The following KIRREL3 variants were observed in gnomAD, a reference collection of about 807,000 sequenced individuals.
The protein encoded by KIRREL3 is kin of IRRE-like protein 3.
In KIRREL3, 36 loss-of-function variants were observed where a neutral mutation model predicts 89.7. The observed-to-expected ratio is 0.40, with a 90% CI of 0.31 to 0.53. KIRREL3 has a LOEUF of 0.53. KIRREL3 is among the 20% of genes least tolerant of loss of function. KIRREL3 has a pLI of 0.49. For synonymous variants in KIRREL3, 445 were observed against 441.4 expected (o/e 1.01, Z -0.10); for missense variants, 864 against 1,056.6 (o/e 0.82, Z 2.53).
intron 1 of KIRREL3, among the ~76,000 whole-genome samples, chr11:126,874,557 C>T (rs1945208836): frequency 6.6e-6 from 1 of 152,208 alleles, no homozygotes; most frequent in Non-Finnish European, 1.5e-5. Flanking sequence ...CATTTGGATT[C>T]TGAAACTCAA....
chr11:126,451,424 G>GC (rs1252029279), intron 7 of KIRREL3, among the ~76,000 whole-genome samples: 35 of 150,388 alleles, frequency 2.3e-4, no homozygotes, highest in Non-Finnish European at 1.5e-5. Context: ...GTGCATGTGT[G>GC]AGCGTGTGCA....
chr11:126,607,991 G>A lies in KIRREL3; in HGVS notation c.56-45079C>T, dbSNP rs1942958225. Among the ~76,000 whole-genome samples, 1 of 152,216 alleles carries A rather than the reference G, an allele frequency of 6.6e-6. No individual in the cohort carries two copies. The highest frequency in any genetic ancestry group is 2.4e-5 in the African/African-American group (1 of 41,448). Reference sequence around the variant, plus strand: ...GGCCCGAGGAACGAGCACGTCAGCTGTCTCCAGGGCCTTTCTCATCATCTC... The same window carrying A: ...GGCCCGAGGAACGAGCACGTCAGCTATCTCCAGGGCCTTTCTCATCATCTC... On this transcript the variant is annotated intron_variant, in intron 1 of 16. Transcript: ENST00000525144. This position sits in a 1 kb window ranked among gnomAD's most constrained non-coding sequence, Gnocchi z 6.6.
chr11:126,821,291 T>G (rs1477722388), intron 1 of KIRREL3, among the ~76,000 whole-genome samples: 1 of 143,332 alleles, frequency 7.0e-6, no homozygotes, highest in Admixed American at 7.0e-5. Context: ...GTAAAGCTGA[T>G]AGAATATTAG....
At chr11:126,542,490 A>G (rs922303069) in intron 2 of KIRREL3, among the ~76,000 whole-genome samples, 13 of 152,210 alleles carry the variant, frequency 8.5e-5, no homozygotes, top group African/African-American at 3.1e-4. Context: ...GAATATGGAT[A>G]TGTTTGATGT....
intron 2 of KIRREL3, among the ~76,000 whole-genome samples, chr11:126,547,784 A>G (rs997625785): frequency 2.6e-5 from 4 of 152,184 alleles, no homozygotes; most frequent in African/African-American, 9.6e-5. Flanking sequence ...GACCCACAAT[A>G]GGGGCTTAGT....
At chr11:126,507,494 C>A (rs1318307715) in intron 4 of KIRREL3, among the ~76,000 whole-genome samples, 1 of 152,156 alleles carries the variant, frequency 6.6e-6, no homozygotes, top group East Asian at 1.9e-4. Flanking sequence ...TAGCATTGAT[C>A]ACCTTCTAAT....
intron 6 of KIRREL3, among the ~76,000 whole-genome samples, chr11:126,457,364 T>C (rs898087723): frequency 1.1e-3 from 101 of 88,054 alleles, no homozygotes; most frequent in African/African-American, 4.4e-3. Flanking sequence ...TGTCTCTGTG[T>C]GTATGCGTGT....
At position 126,964,102 on chromosome 11, in the gene KIRREL3, A is replaced by C. The variant is rs1271289108; in HGVS notation, c.55+36353T>G. Among the ~76,000 whole-genome samples, 3 of 152,196 alleles carry C rather than the reference A, an allele frequency of 2.0e-5. No homozygotes were observed. The East Asian group carries it at 5.8e-4, about 29-fold the overall frequency. On this transcript the variant is annotated intron_variant, in intron 1 of 16. Coordinates refer to ENST00000525144, the MANE Select transcript of KIRREL3 (RefSeq NM_032531.4). ...TTAGTGGGCAACTACAAGGTTTGAG[A>C]AAGAGAAAAACTTCATCTGTGCACA... is the stretch of plus-strand genomic sequence containing the variant.
At chr11:126,818,631 G>T (rs1440378916) in intron 1 of KIRREL3, among the ~76,000 whole-genome samples, 3 of 150,168 alleles carry the variant, frequency 2.0e-5, no homozygotes, top group African/African-American at 4.9e-5. Context: ...AGTAGTGTGT[G>T]TGTGTGTGTG....
At chr11:126,603,699 C>T (rs1056257933) in intron 1 of KIRREL3, among the ~76,000 whole-genome samples, 1 of 152,364 alleles carries the variant, frequency 6.6e-6, no homozygotes, top group East Asian at 1.9e-4. Context: ...TTTCTCTGGG[C>T]CCTGCCTGGT....
At chr11:126,921,777 C>G (rs1947324039) in intron 1 of KIRREL3, among the ~76,000 whole-genome samples, 1 of 151,026 alleles carries the variant, frequency 6.6e-6, no homozygotes, top group African/African-American at 2.5e-5. Context: ...ATCTATCTAT[C>G]TATCTATCTA....
chr11:126,604,028 A>ACTTC (rs1018064959), intron 1 of KIRREL3, among the ~76,000 whole-genome samples: 5 of 152,090 alleles, frequency 3.3e-5, no homozygotes, highest in African/African-American at 1.2e-4. Context: ...TTTTCAGTTG[A>ACTTC]CTTCCTTCCT....
At chr11:126,532,523 C>T (rs1324167825) in intron 2 of KIRREL3, among the ~76,000 whole-genome samples, 3 of 152,076 alleles carry the variant, frequency 2.0e-5, no homozygotes, top group Non-Finnish European at 2.9e-5. Context: ...TTACAGGCAC[C>T]TGCCACCATG....
intron 1 of KIRREL3, among the ~76,000 whole-genome samples, chr11:126,874,024 T>C (rs765376500): frequency 2.0e-5 from 3 of 152,232 alleles, no homozygotes; most frequent in Non-Finnish European, 4.4e-5. Context: ...TCCACATCTT[T>C]GCACCTCCCC....
In KIRREL3 at chr11:126,736,412, G is replaced by A. The variant is rs1387990739; in HGVS notation, c.56-173500C>T. Among the ~76,000 whole-genome samples, 4 of 152,142 alleles carry A rather than the reference G, an allele frequency of 2.6e-5. No individual in the cohort carries two copies. Among genetic ancestry groups the A allele is most frequent in the African/African-American group, 9.7e-5 (4 of 41,414 alleles). On this transcript the variant is annotated intron_variant, in intron 1 of 16. Coordinates refer to ENST00000525144, the MANE Select transcript of KIRREL3 (RefSeq NM_032531.4). The surrounding 1 kb of genome is among the most constrained non-coding windows in gnomAD (Gnocchi z 5.0). Reference sequence around the variant, plus strand: ...AGCCAGGATTTGATGAGAGGTCCCCGTGACATTTCAACCCAAGCTGTTTTT... The same window carrying A: ...AGCCAGGATTTGATGAGAGGTCCCCATGACATTTCAACCCAAGCTGTTTTT...
chr11:126,798,280 C>T (rs1039634255), intron 1 of KIRREL3, among the ~76,000 whole-genome samples: 1 of 152,112 alleles, frequency 6.6e-6, no homozygotes, highest in African/African-American at 2.4e-5. Context: ...TTTTCTTTCC[C>T]AGATTTCTCC....
intron 1 of KIRREL3, among the ~76,000 whole-genome samples, chr11:126,707,533 C>G (rs1479112968): frequency 6.6e-6 from 1 of 152,160 alleles, no homozygotes; most frequent in Non-Finnish European, 1.5e-5. Context: ...TACTCTATGT[C>G]AGTCCATTGT....
chr11:126,904,309 T>C lies in KIRREL3; in HGVS notation c.55+96146A>G, dbSNP rs987905058. ...ACATTCAAGGTAAATGTCTGTATTT[T>C]ATGGCCCGAAGCCCCCAAACTCATG... On this transcript the variant is annotated intron_variant, in intron 1 of 16. Coordinates refer to ENST00000525144, the MANE Select transcript of KIRREL3 (RefSeq NM_032531.4). The surrounding 1 kb of genome is among the most constrained non-coding windows in gnomAD (Gnocchi z 4.4). Among the ~76,000 whole-genome samples, 1 of 152,232 alleles carries C rather than the reference T, an allele frequency of 6.6e-6. No homozygotes were observed. Among genetic ancestry groups the C allele is most frequent in the African/African-American group, 2.4e-5 (1 of 41,462 alleles).
intron 1 of KIRREL3, among the ~76,000 whole-genome samples, chr11:126,910,659 C>T (rs1276416139): frequency 1.3e-5 from 2 of 152,194 alleles, no homozygotes; most frequent in African/African-American, 4.8e-5. Flanking sequence ...CAAGTTTCTC[C>T]ACCCCTTTAG....
Sources: gnomAD v4.1 joint callset for allele counts (sites outside exome capture counted in the v4.1 genomes callset) on GRCh38, gnomAD v4.1.1 for gene constraint, Gnocchi (gnomAD v3.1) non-coding constraint, MANE v1.5 for transcripts, NCBI Gene and HGNC (gene_info 2026-07-23, HGNC 2026-07-21) for gene names.